The following GABRP variants were observed in gnomAD, a reference collection of about 807,000 sequenced individuals.
GABRP encodes gamma-aminobutyric acid type A receptor subunit pi, also known as gamma-aminobutyric acid receptor subunit pi.
Under a neutral mutation model 47.8 loss-of-function variants are expected in GABRP, and 52 were observed. The ratio of observed to expected loss-of-function variants is 1.09; its 90% CI spans 0.87 to 1.37. GABRP has a LOEUF of 1.37. Ranked by LOEUF, GABRP falls within the 40% of genes most tolerant of loss-of-function variation. GABRP has a pLI of 0.00. For missense variants in GABRP, 525 were observed against 542.8 expected (o/e 0.97, Z 0.33); for synonymous variants, 221 against 205.8 (o/e 1.07, Z -0.63).
At chr5:170,809,457 T>G (rs1334255550) in intron 8 of GABRP, 111 bp from the exon 9 acceptor site, 6 of 995,092 alleles carry the variant, frequency 6.0e-6, no homozygotes, top group Non-Finnish European at 9.4e-6. Context: ...ATGCATTCCA[T>G]TTCTGGGTCT....
chr5:170,789,117 T>A lies in GABRP; in HGVS notation c.54-12T>A, dbSNP rs377082764. ...AAACAAGCAAACACAACAAAGCCCA[T>A]TTCTTTTCCAGGATGTGCATCCAGG... On this transcript the variant is annotated splice_polypyrimidine_tract_variant and intron_variant, in intron 2 of 9. Coordinates refer to ENST00000265294, the MANE Select transcript of GABRP (RefSeq NM_014211.3). 4 of 1,605,000 alleles carry A rather than the reference T, an allele frequency of 2.5e-6. No homozygotes were observed. The African/African-American group carries it at 5.4e-5, about 21-fold the overall frequency.
chr5:170,789,618 C>G (rs1273677507), intron 3 of GABRP, among the ~76,000 whole-genome samples: 1 of 152,176 alleles, frequency 6.6e-6, no homozygotes, highest in Non-Finnish European at 1.5e-5. Flanking sequence ...GCTGACTCCC[C>G]AAACTGCCAT....
Position 170,811,948 on chromosome 5 carries a change from T to C in GABRP, c.1021-8T>C, listed in dbSNP as rs761030682. The C allele has an allele frequency of 2.5e-6, 4 of 1,611,696 alleles. No homozygotes were observed. In the African/African-American group the frequency reaches 5.3e-5, roughly 22 times the overall value. On this transcript the variant is annotated splice_polypyrimidine_tract_variant and splice_region_variant and intron_variant, in intron 9 of 9. Transcript: ENST00000265294. ...TCTTTTAAGCTAACTGCATTGTCTA[T>C]GAACTAGGGGACAACAAAGGAAGTA...
In GABRP at chr5:170,812,691, C is replaced by G. The variant is rs1177038009; in HGVS notation, c.*433C>G. ...CAGTGCTTATAAAATACATTGTTGC[C>G]TATTTAGGGAGTAACATTTTCTAGT... On this transcript the variant is annotated 3_prime_UTR_variant, in exon 10 of 10. Coordinates refer to ENST00000265294, the MANE Select transcript of GABRP (RefSeq NM_014211.3). The G allele has an allele frequency of 6.3e-6, 1 of 158,020 alleles. No homozygotes were observed. The highest frequency in any genetic ancestry group is 2.4e-5 in the African/African-American group (1 of 41,494). The allele number at this position is 158,020 out of a possible 1,614,324, so 9.8% of individuals were successfully genotyped here.
rs115409688 is a variant in GABRP, at chr5:170,811,562, C to T, written c.1021-394C>T. ...TCCCATCAGTCTCAAGATGGCAATA[C>T]CAATCACCATTTGGCAGGCGAGGAA... On this transcript the variant is annotated intron_variant, in intron 9 of 9. Coordinates refer to ENST00000265294, the MANE Select transcript of GABRP (RefSeq NM_014211.3). Among the ~76,000 whole-genome samples, 1,406 of 152,258 alleles carry T rather than the reference C, an allele frequency of 9.2e-3. 26 individuals carry two copies. Among genetic ancestry groups the T allele is most frequent in the African/African-American group, 0.033 (1,356 of 41,546 alleles).
At chr5:170,804,726 T>C (rs1478448062) in intron 6 of GABRP, among the ~76,000 whole-genome samples, 1 of 152,062 alleles carries the variant, frequency 6.6e-6, no homozygotes, top group Non-Finnish European at 1.5e-5. Flanking sequence ...GCTTATTAAA[T>C]GATAGGTATT....
Position 170,797,474 on chromosome 5 carries a change from C to A in GABRP, c.467C>A (p.Thr156Lys). ...CTGTTTTTCCCTCTTAGAATCACGACAACTGTTGCATGTAACATGGATCTG... is the reference window on the plus strand; with the variant it reads ...CTGTTTTTCCCTCTTAGAATCACGAAAACTGTTGCATGTAACATGGATCTG... ...GTVLYALRIT[T>K]TVACNMDLSK... is the part of the protein sequence containing the mutation. Residue 156 changes from threonine (T) to lysine (K), a missense_variant, in exon 6 of 10, where the codon ACA (threonine) becomes AAA (lysine). Coordinates refer to ENST00000265294, the MANE Select transcript of GABRP (RefSeq NM_014211.3). 1.2e-6 allele frequency: 2 copies of A among 1,608,258 alleles called. No individual in the cohort carries two copies. The highest frequency in any genetic ancestry group is 1.1e-5 in the South Asian group (1 of 90,934).
intron 1 of GABRP, among the ~76,000 whole-genome samples, chr5:170,786,968 T>TGG (rs202192134): frequency 6.6e-6 from 1 of 151,694 alleles, no homozygotes; most frequent in African/African-American, 2.4e-5. Flanking sequence ...AGAGAAGAAA[T>TGG]GGGGGGGGAC....
At chr5:170,798,593 T>C (rs1765501123) in intron 6 of GABRP, among the ~76,000 whole-genome samples, 1 of 152,066 alleles carries the variant, frequency 6.6e-6, no homozygotes, top group Non-Finnish European at 1.5e-5. Context: ...AGATGAGTTC[T>C]ATGACCATGT....
chr5:170,786,015 A>C (rs1181939921), intron 1 of GABRP, among the ~76,000 whole-genome samples: 1 of 152,114 alleles, frequency 6.6e-6, no homozygotes, highest in Non-Finnish European at 1.5e-5. Context: ...TTGCATACCA[A>C]ATATCCCCTG....
chr5:170,788,395 G>T, intron 1 of GABRP, 179 bp from the exon 2 acceptor site: 1 of 424,026 alleles, frequency 2.4e-6, no homozygotes, highest in Admixed American at 4.1e-5. Context: ...CCTCCAAAAT[G>T]AAGTCATTCC....
chr5:170,790,624 G>T (rs1332066299), intron 3 of GABRP, among the ~76,000 whole-genome samples: 1 of 152,082 alleles, frequency 6.6e-6, no homozygotes, highest in Non-Finnish European at 1.5e-5. Context: ...CTGGCCTCAG[G>T]GAAGGAGAGA....
Position 170,785,004 on chromosome 5 carries a change from T to C in GABRP, c.-43+1130T>C, listed in dbSNP as rs1215165168. ...TTGGGGACAACCCTTAGGACACTGC[T>C]CTCTGGTGGCTCAGTACCTCTCCAC... is the stretch of plus-strand genomic sequence containing the variant. On this transcript the variant is annotated intron_variant, in intron 1 of 9. Transcript: ENST00000265294. 2.0e-5 allele frequency among the ~76,000 whole-genome samples: 3 copies of C among 152,318 alleles called. No homozygotes were observed. The East Asian group carries it at 5.8e-4, about 29-fold the overall frequency.
chr5:170,796,302 T>C (rs1181591526), intron 5 of GABRP, among the ~76,000 whole-genome samples: 2 of 152,262 alleles, frequency 1.3e-5, no homozygotes, highest in African/African-American at 4.8e-5. Context: ...ATTAGACTTC[T>C]CTTTTGACCT....
intron 1 of GABRP, 193 bp from the exon 2 acceptor site, chr5:170,788,379 CAT>C: frequency 2.6e-6 from 1 of 386,484 alleles, no homozygotes; most frequent in Non-Finnish European, 4.5e-6. Flanking sequence ...AAAAAAAAAA[CAT>C]AATCCTCCAA....
chr5:170,785,855 G>C (rs1318644545), intron 1 of GABRP, among the ~76,000 whole-genome samples: 1 of 152,224 alleles, frequency 6.6e-6, no homozygotes, highest in African/African-American at 2.4e-5. Context: ...ATGTGGGAGA[G>C]AGGCCGTGGG....
chr5:170,811,931 G>A (rs1259415164), intron 9 of GABRP, 25 bp from the exon 10 acceptor site: 6 of 1,602,266 alleles, frequency 3.7e-6, no homozygotes, highest in Non-Finnish European at 5.1e-6. Flanking sequence ...AGTCTTTTAA[G>A]CTAACTGCAT....
At chr5:170,809,868 C>A in intron 9 of GABRP, 113 bp downstream of exon 9, 1 of 977,126 alleles carries the variant, frequency 1.0e-6, no homozygotes. Flanking sequence ...ATTCCCTGTG[C>A]TCCAGTGAGT....
At chr5:170,800,170 C>A (rs1378984448) in intron 6 of GABRP, among the ~76,000 whole-genome samples, 3 of 152,088 alleles carry the variant, frequency 2.0e-5, no homozygotes, top group Admixed American at 2.0e-4. Context: ...CCAAAGAGAG[C>A]CCTCAGAAAT....
Sources: gnomAD v4.1 joint callset for allele counts (sites outside exome capture counted in the v4.1 genomes callset) on GRCh38, gnomAD v4.1.1 for gene constraint, MANE v1.5 for transcripts, NCBI Gene and HGNC (gene_info 2026-07-23, HGNC 2026-07-21) for gene names.